The following OR6C74 variants were observed in gnomAD, a reference collection of about 807,000 sequenced individuals.
The protein encoded by OR6C74 is olfactory receptor family 6 subfamily C member 74.
For synonymous variants in OR6C74, 142 were observed against 134.2 expected, an observed-to-expected ratio of 1.06 and a Z score of -0.40; for missense variants, 361 against 362.9, an observed-to-expected ratio of 0.99 and a Z score of 0.04.
In OR6C74 at chr12:55,254,924, T is replaced by C. The variant is rs1296409767; in HGVS notation, c.*6698T>C. Among the ~76,000 whole-genome samples the C allele has an allele frequency of 1.3e-5, 2 of 152,142 alleles. No individual in the cohort carries two copies. The highest frequency in any genetic ancestry group is 6.6e-5 in the Admixed American group (1 of 15,266). ...AGGATCTATTTCATGCAACCACTTG[T>C]AGTACCAAATATATCAGTTATCACT... On this transcript the variant is annotated 3_prime_UTR_variant, in exon 2 of 2. Transcript: ENST00000343399.
Position 55,254,596 on chromosome 12 carries a change from T to C in OR6C74, c.*6370T>C, listed in dbSNP as rs1954331455. On this transcript the variant is annotated 3_prime_UTR_variant, in exon 2 of 2. Transcript: ENST00000343399. ...TCATGGGAACTTCATGATTTGCTGA[T>C]TATTGTATAATTCAAGATAATAATT... 6.6e-6 allele frequency among the ~76,000 whole-genome samples: 1 copy of C among 152,122 alleles called. No individual in the cohort carries two copies.
In OR6C74 at chr12:55,255,139, G is replaced by A. The variant is rs1954335089; in HGVS notation, c.*6913G>A. ...GATGTCTCCCAGGGTGGCCAGGTTGGGCAGGTTTTCTAGCTATCTCTTTAA... is the reference window on the plus strand; with the variant it reads ...GATGTCTCCCAGGGTGGCCAGGTTGAGCAGGTTTTCTAGCTATCTCTTTAA... On this transcript the variant is annotated 3_prime_UTR_variant, in exon 2 of 2. Transcript: ENST00000343399. Among the ~76,000 whole-genome samples, 1 of 152,002 alleles carries A rather than the reference G, an allele frequency of 6.6e-6. No homozygotes were observed. Among genetic ancestry groups the A allele is most frequent in the Admixed American group, 6.6e-5 (1 of 15,254 alleles).
In OR6C74 at chr12:55,254,452, TCTGG is replaced by T. The variant is rs1954330367; in HGVS notation, c.*6227_*6230del. ...AATCAATTAACTTTCACAAAAGATA[TCTGG>T]GAAGGATGTAAATTTAACCAATATT... On this transcript the variant is annotated 3_prime_UTR_variant, in exon 2 of 2. Coordinates refer to ENST00000343399, the MANE Select transcript of OR6C74 (RefSeq NM_001005490.2). 1.3e-5 allele frequency among the ~76,000 whole-genome samples: 2 copies of T among 152,042 alleles called. No homozygotes were observed. The highest frequency in any genetic ancestry group is 2.9e-5 in the Non-Finnish European group (2 of 67,994).
Position 55,254,824 on chromosome 12 carries a change from T to A in OR6C74, c.*6598T>A, listed in dbSNP as rs192306994. On this transcript the variant is annotated 3_prime_UTR_variant, in exon 2 of 2. Transcript: ENST00000343399. ...TATTTGATGCCATAGACTTGTAATA[T>A]TCCATTTTCTTATGGTTGCAGCACT... Among the ~76,000 whole-genome samples the A allele has an allele frequency of 7.6e-4, 116 of 152,262 alleles. 1 individual carries two copies. The highest frequency in any genetic ancestry group is 3.5e-3 in the Admixed American group (54 of 15,286).
chr12:55,245,907 G>A (rs989629719), intron 1 of OR6C74, among the ~76,000 whole-genome samples: 1 of 152,058 alleles, frequency 6.6e-6, no homozygotes, highest in Non-Finnish European at 1.5e-5. Flanking sequence ...AAAATAATGG[G>A]AAAGGAAGGG....
Position 55,248,019 on chromosome 12 carries a change from G to T in OR6C74, c.732G>T (p.Val244=). Residue 244 remains valine, a synonymous_variant, in exon 2 of 2, where the codon GTG becomes GTT. Coordinates refer to ENST00000343399, the MANE Select transcript of OR6C74 (RefSeq NM_001005490.2). ...KAFSTCSSHM[V]VVSISYGSCI... is the part of the protein sequence containing the mutation. ...TTTCTACATGTTCTTCCCACATGGT[G>T]GTCGTGTCCATTTCTTATGGCAGCT... 6.2e-7 allele frequency: 1 copy of T among 1,614,016 alleles called. No homozygotes were observed. The highest frequency in any genetic ancestry group is 8.5e-7 in the Non-Finnish European group (1 of 1,179,968).
Position 55,256,308 on chromosome 12 carries a change from GC to G in OR6C74, c.*8085del, listed in dbSNP as rs1265248840. Among the ~76,000 whole-genome samples, 1 of 152,000 alleles carries G rather than the reference GC, an allele frequency of 6.6e-6. No homozygotes were observed. The highest frequency in any genetic ancestry group is 1.9e-4 in the East Asian group (1 of 5,174). On this transcript the variant is annotated 3_prime_UTR_variant, in exon 2 of 2. Coordinates refer to ENST00000343399, the MANE Select transcript of OR6C74 (RefSeq NM_001005490.2). The stretch of plus-strand genomic sequence containing the variant: ...ATATGGATAAGATAGGGCTATAAAC[GC>G]CCTCATCTTGCCACAGCTCTTCTAG...
rs1954309979 is a variant in OR6C74 at position 55,251,348 on chromosome 12, T to C, written c.*3122T>C. 6.6e-6 allele frequency among the ~76,000 whole-genome samples: 1 copy of C among 152,096 alleles called. No homozygotes were observed. Among genetic ancestry groups the C allele is most frequent in the Non-Finnish European group, 1.5e-5 (1 of 67,962 alleles). On this transcript the variant is annotated 3_prime_UTR_variant, in exon 2 of 2. Transcript: ENST00000343399. ...TGTAGTGTTTGTAGTCAACTCTAGATGGTGCTTATCATAGCACATGTAATT... is the reference window on the plus strand; with the variant it reads ...TGTAGTGTTTGTAGTCAACTCTAGACGGTGCTTATCATAGCACATGTAATT...
At position 55,248,554 on chromosome 12, in the gene OR6C74, G is replaced by A. The variant is rs1039926028; in HGVS notation, c.*328G>A. ...TCTTTTCCACTCTTCTGGAATTCAA[G>A]GACCCAATTTGTCATATATTCTACA... On this transcript the variant is annotated 3_prime_UTR_variant, in exon 2 of 2. Coordinates refer to ENST00000343399, the MANE Select transcript of OR6C74 (RefSeq NM_001005490.2). 6.6e-6 allele frequency among the ~76,000 whole-genome samples: 1 copy of A among 152,148 alleles called. No homozygotes were observed. Among genetic ancestry groups the A allele is most frequent in the Non-Finnish European group, 1.5e-5 (1 of 68,014 alleles).
Position 55,249,654 on chromosome 12 carries a change from C to G in OR6C74, c.*1428C>G, listed in dbSNP as rs1407814471. On this transcript the variant is annotated 3_prime_UTR_variant, in exon 2 of 2. Transcript: ENST00000343399. ...GTATGTGTAAATGGTTTTTATAATA[C>G]TGCAATACTTTAAGAACATTTTATT... is the stretch of plus-strand genomic sequence containing the variant. Among the ~76,000 whole-genome samples, 2 of 152,022 alleles carry G rather than the reference C, an allele frequency of 1.3e-5. No individual in the cohort carries two copies. Among genetic ancestry groups the G allele is most frequent in the African/African-American group, 2.4e-5 (1 of 41,376 alleles).
rs959772523 is a variant in OR6C74 at position 55,253,144 on chromosome 12, T to C, written c.*4918T>C. ...CAGGTTGTGCCAATAAATTCTTGTA[T>C]TATCTATTAATCCATAAACATTCAT... On this transcript the variant is annotated 3_prime_UTR_variant, in exon 2 of 2. Coordinates refer to ENST00000343399, the MANE Select transcript of OR6C74 (RefSeq NM_001005490.2). Among the ~76,000 whole-genome samples the C allele has an allele frequency of 3.9e-5, 6 of 152,088 alleles. No individual in the cohort carries two copies. The highest frequency in any genetic ancestry group is 1.4e-4 in the African/African-American group (6 of 41,446).
Position 55,255,053 on chromosome 12 carries a change from G to A in OR6C74, c.*6827G>A, listed in dbSNP as rs187601812. 4.6e-5 allele frequency among the ~76,000 whole-genome samples: 7 copies of A among 152,074 alleles called. No individual in the cohort carries two copies. The highest frequency in any genetic ancestry group is 1.7e-4 in the African/African-American group (7 of 41,500). ...TAATATCATTCAGCCTTGAAAGATC[G>A]AAATAATACCTCCCTCCAGGGCAGA... On this transcript the variant is annotated 3_prime_UTR_variant, in exon 2 of 2. Transcript: ENST00000343399.
In OR6C74 at chr12:55,251,138, A is replaced by T. The variant is rs1954308905; in HGVS notation, c.*2912A>T. ...ATCTCTTCCAACTAGTACTTCTATG[A>T]TGTAACCACACTAAACAACTAAGTA... On this transcript the variant is annotated 3_prime_UTR_variant, in exon 2 of 2. Coordinates refer to ENST00000343399, the MANE Select transcript of OR6C74 (RefSeq NM_001005490.2). Among the ~76,000 whole-genome samples, 2 of 152,090 alleles carry T rather than the reference A, an allele frequency of 1.3e-5. No individual in the cohort carries two copies. The highest frequency in any genetic ancestry group is 4.8e-5 in the African/African-American group (2 of 41,424).
chr12:55,248,092 A>C lies in OR6C74; in HGVS notation c.805A>C (p.Asn269His), dbSNP rs755220151. Residue 269 changes from asparagine (N) to histidine (H), a missense_variant, in exon 2 of 2, where the codon AAT becomes CAT. Physicochemically the swap from Asn to His is moderately conservative, Grantham distance 68. Coordinates refer to ENST00000343399, the MANE Select transcript of OR6C74 (RefSeq NM_001005490.2). ...CTCAGCAAAAGAAAGAGTGTCATTA[A>C]ATAAAGGGATAGCTCTGCTCAGCAC... ...KPSAKERVSLNKGIALLSTSV... is the reference protein window; with the variant it reads ...KPSAKERVSLHKGIALLSTSV... 1.2e-6 allele frequency: 2 copies of C among 1,614,054 alleles called. No homozygotes were observed. Among genetic ancestry groups the C allele is most frequent in the Non-Finnish European group, 8.5e-7 (1 of 1,179,956 alleles).
rs1954313992 is a variant in OR6C74 at position 55,252,011 on chromosome 12, T to A, written c.*3785T>A. Among the ~76,000 whole-genome samples the A allele has an allele frequency of 6.6e-6, 1 of 151,582 alleles. No homozygotes were observed. The highest frequency in any genetic ancestry group is 1.5e-5 in the Non-Finnish European group (1 of 67,732). On this transcript the variant is annotated 3_prime_UTR_variant, in exon 2 of 2. Coordinates refer to ENST00000343399, the MANE Select transcript of OR6C74 (RefSeq NM_001005490.2). ...TTATCAAACATTCAATTAGTAAATATATGTATATTTTTCATGGTACATGCA... is the reference window on the plus strand; with the variant it reads ...TTATCAAACATTCAATTAGTAAATAAATGTATATTTTTCATGGTACATGCA...
At chr12:55,245,418 GA>G (rs1158101159) in intron 1 of OR6C74, among the ~76,000 whole-genome samples, 2 of 151,808 alleles carry the variant, frequency 1.3e-5, no homozygotes, top group African/African-American at 4.8e-5. Flanking sequence ...TCCTGAACTT[GA>G]AAAAATTTTT....
rs1390970784 is a variant in OR6C74 at position 55,256,207 on chromosome 12, A to G, written c.*7981A>G. ...CAAGATTCCTGTCCCAGAAAAGCAGATGTTCATAGCTCTGGGAATGGAATG... is the reference window on the plus strand; with the variant it reads ...CAAGATTCCTGTCCCAGAAAAGCAGGTGTTCATAGCTCTGGGAATGGAATG... On this transcript the variant is annotated 3_prime_UTR_variant, in exon 2 of 2. Coordinates refer to ENST00000343399, the MANE Select transcript of OR6C74 (RefSeq NM_001005490.2). Among the ~76,000 whole-genome samples, 2 of 152,054 alleles carry G rather than the reference A, an allele frequency of 1.3e-5. No homozygotes were observed. Among genetic ancestry groups the G allele is most frequent in the Non-Finnish European group, 2.9e-5 (2 of 67,968 alleles).
In OR6C74 at chr12:55,248,126, C is replaced by A; in HGVS notation, c.839C>A (p.Ala280Asp). ...KGIALLSTSV[A>D]PMLNPFIYTL... ...ATAGCTCTGCTCAGCACTTCTGTTG[C>A]CCCCATGTTGAATCCCTTTATTTAT... Residue 280 changes from alanine to aspartate, a missense_variant, in exon 2 of 2, where the codon GCC becomes GAC. By Grantham distance (126) the Ala-to-Asp change is moderately radical. Coordinates refer to ENST00000343399, the MANE Select transcript of OR6C74 (RefSeq NM_001005490.2). 6.2e-7 allele frequency: 1 copy of A among 1,613,412 alleles called. No individual in the cohort carries two copies. Among genetic ancestry groups the A allele is most frequent in the Non-Finnish European group, 8.5e-7 (1 of 1,179,508 alleles).
At position 55,248,210 on chromosome 12, in the gene OR6C74, T is replaced by C; in HGVS notation, c.923T>C (p.Leu308Pro). The change falls in exon 2 of 2, where the codon CTT (leucine) becomes CCT (proline). Residue 308 changes from leucine to proline, a missense_variant. Leu to Pro is a moderately conservative substitution (Grantham distance 98). Coordinates refer to ENST00000343399, the MANE Select transcript of OR6C74 (RefSeq NM_001005490.2). ...AAGCACACAGTCAAAAAGATTGAAC[T>C]TTTCTCAATGAAATGAATCACTTTA... ...VFKHTVKKIE[L>P]FSMK 6.2e-7 allele frequency: 1 copy of C among 1,600,600 alleles called. No individual in the cohort carries two copies. Among genetic ancestry groups the C allele is most frequent in the Non-Finnish European group, 8.5e-7 (1 of 1,170,124 alleles).
Sources: gnomAD v4.1 joint callset for allele counts (sites outside exome capture counted in the v4.1 genomes callset) on GRCh38, gnomAD v4.1.1 for gene constraint, MANE v1.5 for transcripts, NCBI Gene and HGNC (gene_info 2026-07-23, HGNC 2026-07-21) for gene names.